The following ZMYM4 variants were observed in gnomAD, a reference collection of about 807,000 sequenced individuals.
ZMYM4 encodes the protein zinc finger MYM-type protein 4.
A neutral mutation model predicts 183.2 loss-of-function variants in ZMYM4; 31 were observed. The observed-to-expected ratio is 0.17, with a 90% confidence interval of 0.13 to 0.23. The LOEUF is 0.23. Ranked by LOEUF, ZMYM4 falls within the 10% of genes least tolerant of loss-of-function variation. ZMYM4 has a pLI of 1.00. For missense variants in ZMYM4, 1,273 were observed against 1,840.3 expected, an observed-to-expected ratio of 0.69 and a Z score of 5.64; for synonymous variants, 592 against 631.2, an observed-to-expected ratio of 0.94 and a Z score of 0.93.
chr1:35,313,390 C>CTTTT (rs36112055), intron 1 of ZMYM4, among the ~76,000 whole-genome samples: 5 of 131,578 alleles, frequency 3.8e-5, no homozygotes, highest in South Asian at 2.4e-4. Flanking sequence ...TTTTCTTTTT[C>CTTTT]TTTTTTTTTT....
chr1:35,286,378 C>A (rs191855997), intron 1 of ZMYM4, among the ~76,000 whole-genome samples: 1 of 152,086 alleles, frequency 6.6e-6, no homozygotes, highest in Admixed American at 6.6e-5. Flanking sequence ...TCCTCCCCGT[C>A]CGCCAAAAAA....
chr1:35,406,944 C>G (rs1645012757), intron 25 of ZMYM4, among the ~76,000 whole-genome samples: 1 of 152,122 alleles, frequency 6.6e-6, no homozygotes, highest in Non-Finnish European at 1.5e-5. Flanking sequence ...TCTGCAAAAT[C>G]TTAATATGAG....
chr1:35,399,918 G>A (rs558647352), intron 23 of ZMYM4: 15 of 171,096 alleles, frequency 8.8e-5, no homozygotes, highest in South Asian at 3.9e-4. Flanking sequence ...CAAGGCAGGC[G>A]GATCACAAGG....
chr1:35,417,789 C>CA (rs1640180816), intron 28 of ZMYM4, among the ~76,000 whole-genome samples: 2 of 152,126 alleles, frequency 1.3e-5, no homozygotes, highest in South Asian at 4.1e-4. Context: ...GTGGGCTGAT[C>CA]ACCTGAGGTC....
In ZMYM4 at chr1:35,422,014, T is replaced by C. The variant is rs1640340083; in HGVS notation, c.*2337T>C. 6.6e-6 allele frequency: 1 copy of C among 152,220 alleles called. No homozygotes were observed. The highest frequency in any genetic ancestry group is 1.5e-5 in the Non-Finnish European group (1 of 68,034). The allele number at this position is 152,220 out of a possible 1,614,324, so 9.4% of individuals were successfully genotyped here. On this transcript the variant is annotated 3_prime_UTR_variant, in exon 30 of 30. Coordinates refer to ENST00000314607, the MANE Select transcript of ZMYM4 (RefSeq NM_005095.3). ...CTTTTTCTGATTGACCTTATTGGTATGACCCAGCAATTAGTAAAATTACAA... is the reference window on the plus strand; with the variant it reads ...CTTTTTCTGATTGACCTTATTGGTACGACCCAGCAATTAGTAAAATTACAA...
chr1:35,388,814 G>T, intron 13 of ZMYM4, 96 bp from the exon 14 acceptor site: 2 of 1,134,656 alleles, frequency 1.8e-6, no homozygotes, highest in Admixed American at 4.5e-5. Context: ...GGGATTACAG[G>T]TGTGAGCCAC....
At chr1:35,338,756 A>T (rs1399538356) in intron 2 of ZMYM4, among the ~76,000 whole-genome samples, 2 of 151,818 alleles carry the variant, frequency 1.3e-5, no homozygotes, top group African/African-American at 2.4e-5. Flanking sequence ...GGTATTTTTA[A>T]TTTTTTTTGT....
Position 35,410,876 on chromosome 1 carries a change from CTGGTGT to C in ZMYM4, c.3948+2719_3948+2724del, listed in dbSNP as rs1639862241. Among the ~76,000 whole-genome samples, 5 of 152,028 alleles carry C rather than the reference CTGGTGT, an allele frequency of 3.3e-5. No individual in the cohort carries two copies. In the South Asian group the frequency reaches 1.0e-3, roughly 32 times the overall value. ...TCTTTTCTTTTTATTGCCTGTGCTC[CTGGTGT>C]TATATCTAGGAATCTACTGCCACAT... On this transcript the variant is annotated intron_variant, in intron 26 of 29. Transcript: ENST00000314607.
chr1:35,326,330 T>A lies in ZMYM4; in HGVS notation c.85+925T>A, dbSNP rs1033250670. Among the ~76,000 whole-genome samples, 4 of 152,148 alleles carry A rather than the reference T, an allele frequency of 2.6e-5. No individual in the cohort carries two copies. In the East Asian group the frequency reaches 5.8e-4, roughly 22 times the overall value. On this transcript the variant is annotated intron_variant, in intron 2 of 29. Coordinates refer to ENST00000314607, the MANE Select transcript of ZMYM4 (RefSeq NM_005095.3). ...GAAAGATTAATAAAAACAAGTAAGA[T>A]AATTATTTACCCAGTTTTTGGTGAA... is the stretch of plus-strand genomic sequence containing the variant.
intron 1 of ZMYM4, among the ~76,000 whole-genome samples, chr1:35,300,861 A>G (rs749528545): frequency 6.6e-6 from 1 of 152,164 alleles, no homozygotes; most frequent in Non-Finnish European, 1.5e-5. Flanking sequence ...TATCATTTGT[A>G]TAATTTCTGG....
rs1640086727 is a variant in ZMYM4, at chr1:35,415,699, C to T, written c.4294C>T (p.Gln1432Ter). Residue 1432 changes from glutamine (Q) to a stop codon, truncating the protein, a stop_gained, in exon 28 of 30, where the codon CAG (glutamine) becomes TAG (stop). Coordinates refer to ENST00000314607, the MANE Select transcript of ZMYM4 (RefSeq NM_005095.3). LOFTEE classifies it high-confidence loss of function. ...GAGGTTCTTCCCACCTTTACAGAAG[C>T]AGGAGTCAGAACCAGGTACGGGATA... ...YLRFFPPLQK[Q>*]ESEPDKLTVG... 1 of 1,612,166 alleles carries T rather than the reference C, an allele frequency of 6.2e-7. No homozygotes were observed. The highest frequency in any genetic ancestry group is 1.3e-5 in the African/African-American group (1 of 74,910).
intron 2 of ZMYM4, among the ~76,000 whole-genome samples, chr1:35,327,889 T>G (rs1642571954): frequency 1.3e-5 from 2 of 152,316 alleles, no homozygotes; most frequent in Admixed American, 6.5e-5. Flanking sequence ...CTCATGTTCA[T>G]CTTTGAACCA....
At chr1:35,403,036 T>C (rs890232135) in intron 23 of ZMYM4, among the ~76,000 whole-genome samples, 47 of 152,184 alleles carry the variant, frequency 3.1e-4, no homozygotes, top group Non-Finnish European at 1.0e-4. Flanking sequence ...TTGAAGAAGT[T>C]CCCCTTCTCC....
At chr1:35,358,115 C>G (rs1396508767) in intron 2 of ZMYM4, among the ~76,000 whole-genome samples, 2 of 151,978 alleles carry the variant, frequency 1.3e-5, no homozygotes, top group African/African-American at 2.4e-5. Context: ...AAGTTGGGAG[C>G]TGATTGTATT....
At chr1:35,323,601 T>C (rs1389559283) in intron 1 of ZMYM4, among the ~76,000 whole-genome samples, 2 of 151,908 alleles carry the variant, frequency 1.3e-5, no homozygotes, top group African/African-American at 4.8e-5. Flanking sequence ...TGGAGTGCAG[T>C]GGCACGATCT....
intron 5 of ZMYM4, among the ~76,000 whole-genome samples, chr1:35,369,006 CCTCA>C (rs1374831609): frequency 4.6e-5 from 7 of 152,034 alleles, no homozygotes; most frequent in African/African-American, 1.7e-4. Flanking sequence ...GAGGCATGTG[CCTCA>C]CTCACCTCAT....
intron 25 of ZMYM4, among the ~76,000 whole-genome samples, chr1:35,406,182 T>G (rs1644999950): frequency 6.6e-6 from 1 of 152,140 alleles, no homozygotes; most frequent in Non-Finnish European, 1.5e-5. Flanking sequence ...GTCTACCCTG[T>G]TGGTTTTGGG....
intron 1 of ZMYM4, among the ~76,000 whole-genome samples, chr1:35,287,434 T>G (rs977844891): frequency 3.9e-5 from 6 of 151,944 alleles, no homozygotes; most frequent in Admixed American, 3.9e-4. Context: ...CTTCTGTTTT[T>G]GTCTTTAAAA....
At position 35,317,480 on chromosome 1, in the gene ZMYM4, G is replaced by A. The variant is rs377070483; in HGVS notation, c.40-7880G>A. On this transcript the variant is annotated intron_variant, in intron 1 of 29. Transcript: ENST00000314607. ...ATAGATAGATAGATAGCTTTATCAC[G>A]TAATTTAAATAAATTGTATAAAATG... is the stretch of plus-strand genomic sequence containing the variant. Among the ~76,000 whole-genome samples, 148 of 152,216 alleles carry A rather than the reference G, an allele frequency of 9.7e-4. 3 individuals are homozygous for A. In the South Asian group the frequency reaches 0.03, roughly 31 times the overall value.
Sources: gnomAD v4.1 joint callset for allele counts (sites outside exome capture counted in the v4.1 genomes callset) on GRCh38, gnomAD v4.1.1 for gene constraint, MANE v1.5 for transcripts, NCBI Gene and HGNC (gene_info 2026-07-23, HGNC 2026-07-21) for gene names.